The following NXPH1 variants were observed in gnomAD, a reference collection of about 807,000 sequenced individuals.
The protein encoded by NXPH1 is neurexophilin 1.
In NXPH1, 5 loss-of-function variants were observed where a neutral mutation model predicts 23.7. That is an observed-to-expected ratio of 0.21 (90% CI 0.11 to 0.44). The LOEUF (loss-of-function observed/expected upper bound fraction) is 0.44. NXPH1 is among the 20% of genes least tolerant of loss of function. The pLI is 0.99. For missense variants in NXPH1, 324 were observed against 321.6 expected, an observed-to-expected ratio of 1.01 and a Z score of -0.06; for synonymous variants, 144 against 122.2, an observed-to-expected ratio of 1.18 and a Z score of -1.18.
At chr7:8,552,075 C>T (rs1818284353) in intron 2 of NXPH1, among the ~76,000 whole-genome samples, 1 of 129,286 alleles carries the variant, frequency 7.7e-6, no homozygotes, top group East Asian at 2.3e-4. Flanking sequence ...AACAATAATT[C>T]TATTTTGGCT....
At position 8,751,225 on chromosome 7, in the gene NXPH1, T is replaced by C. The variant is rs749146883; in HGVS notation, c.272T>C (p.Leu91Pro). 6.2e-7 allele frequency: 1 copy of C among 1,613,880 alleles called. No individual in the cohort carries two copies. Among genetic ancestry groups the C allele is most frequent in the South Asian group, 1.1e-5 (1 of 91,088 alleles). The change falls in exon 3 of 3, where the codon CTG (leucine) becomes CCG (proline). Residue 91 changes from leucine (L) to proline (P), a missense_variant. Transcript: ENST00000405863. The surrounding 1 kb of genome is among the most constrained non-coding windows in gnomAD (Gnocchi z 4.5). ...TCTGAGCAAGACCTCTGGGACTGGCTGAGGAACTCCACAGACCTTCAAGAG... is the reference window on the plus strand; with the variant it reads ...TCTGAGCAAGACCTCTGGGACTGGCCGAGGAACTCCACAGACCTTCAAGAG... ...PYSEQDLWDW[L>P]RNSTDLQEPR...
intron 2 of NXPH1, among the ~76,000 whole-genome samples, chr7:8,508,904 C>T (rs62448065): frequency 0.23 from 35,091 of 151,868 alleles, 4,178 homozygotes; most frequent in East Asian, 0.31. Context: ...GGGAGGCGGG[C>T]ACATTAGAGG....
At chr7:8,557,540 A>G (rs572971740) in intron 2 of NXPH1, among the ~76,000 whole-genome samples, 1 of 151,754 alleles carries the variant, frequency 6.6e-6, no homozygotes, top group Non-Finnish European at 1.5e-5. Context: ...TGGTTTGTAG[A>G]CTAGAGCTAA....
At chr7:8,638,809 A>G (rs1468500909) in intron 2 of NXPH1, among the ~76,000 whole-genome samples, 1 of 152,108 alleles carries the variant, frequency 6.6e-6, no homozygotes, top group African/African-American at 2.4e-5. Context: ...TGGCTGCATT[A>G]TTTTTTACCC....
At chr7:8,687,668 C>T in intron 2 of NXPH1, among the ~76,000 whole-genome samples, 1 of 152,096 alleles carries the variant, frequency 6.6e-6, no homozygotes, top group South Asian at 2.1e-4. Flanking sequence ...ATAATTTTCT[C>T]ATTTGAGAAA....
chr7:8,748,499 G>A (rs552115694), intron 2 of NXPH1, among the ~76,000 whole-genome samples: 1 of 152,304 alleles, frequency 6.6e-6, no homozygotes, highest in African/African-American at 2.4e-5. Flanking sequence ...AGGACTGACT[G>A]CATACACGAG....
chr7:8,592,221 C>T lies in NXPH1; in HGVS notation c.54+156454C>T, dbSNP rs113216579. Among the ~76,000 whole-genome samples the T allele has an allele frequency of 7.0e-3, 1,069 of 152,042 alleles. 11 individuals are homozygous for T. Among genetic ancestry groups the T allele is most frequent in the African/African-American group, 0.025 (1,023 of 41,498 alleles). On this transcript the variant is annotated intron_variant, in intron 2 of 2. Coordinates refer to ENST00000405863, the MANE Select transcript of NXPH1 (RefSeq NM_152745.3). ...GGATGAGCAGAGGAAGGTGTATACTCATTATGGGACATGATGTGTGAGAGT... is the reference window on the plus strand; with the variant it reads ...GGATGAGCAGAGGAAGGTGTATACTTATTATGGGACATGATGTGTGAGAGT...
chr7:8,692,579 C>G (rs1213003589), intron 2 of NXPH1, among the ~76,000 whole-genome samples: 3 of 152,072 alleles, frequency 2.0e-5, no homozygotes, highest in Non-Finnish European at 4.4e-5. Flanking sequence ...TACTTTTTTC[C>G]TGTTTAGTTT....
chr7:8,594,180 G>A (rs1188995840), intron 2 of NXPH1, among the ~76,000 whole-genome samples: 3 of 152,026 alleles, frequency 2.0e-5, no homozygotes, highest in Non-Finnish European at 4.4e-5. Context: ...AATGGTAAAT[G>A]TTAAGAGAAT....
In NXPH1 at chr7:8,456,516, G is replaced by C. The variant is rs143783827; in HGVS notation, c.54+20749G>C. ...ATGATGAATGGAATTGCAGGTTTAA[G>C]GAAACAGAGGTCTTATTGGAATGAC... On this transcript the variant is annotated intron_variant, in intron 2 of 2. Coordinates refer to ENST00000405863, the MANE Select transcript of NXPH1 (RefSeq NM_152745.3). Among the ~76,000 whole-genome samples, 651 of 152,262 alleles carry C rather than the reference G, an allele frequency of 4.3e-3. 1 individual carries two copies. The highest frequency in any genetic ancestry group is 0.014 in the African/African-American group (589 of 41,556).
intron 2 of NXPH1, among the ~76,000 whole-genome samples, chr7:8,654,379 C>A (rs578259056): frequency 2.5e-4 from 38 of 152,278 alleles, no homozygotes; most frequent in Middle Eastern, 6.8e-3. Flanking sequence ...TGAAAATGAT[C>A]TGTTTGTAGA....
chr7:8,693,520 T>A (rs2115184928), intron 2 of NXPH1, among the ~76,000 whole-genome samples: 1 of 152,344 alleles, frequency 6.6e-6, no homozygotes, highest in Admixed American at 6.5e-5. Context: ...GGCAAAAGAC[T>A]TAATCTTTTA....
At chr7:8,609,796 G>C (rs1380236752) in intron 2 of NXPH1, among the ~76,000 whole-genome samples, 3 of 152,110 alleles carry the variant, frequency 2.0e-5, no homozygotes, top group Non-Finnish European at 4.4e-5. Flanking sequence ...TAACATAACA[G>C]AGACTGCAGT....
intron 2 of NXPH1, among the ~76,000 whole-genome samples, chr7:8,437,202 C>G (rs776750372): frequency 4.8e-4 from 73 of 152,192 alleles, no homozygotes; most frequent in African/African-American, 1.8e-3. Flanking sequence ...TGTGCCTTTA[C>G]CCGCTGGAAC....
intron 2 of NXPH1, among the ~76,000 whole-genome samples, chr7:8,662,437 C>G (rs1179588760): frequency 6.6e-6 from 1 of 151,970 alleles, no homozygotes; most frequent in Non-Finnish European, 1.5e-5. Context: ...GTTACTGGAA[C>G]TTTTTGACCA....
At chr7:8,601,082 A>G (rs1819348966) in intron 2 of NXPH1, among the ~76,000 whole-genome samples, 1 of 152,284 alleles carries the variant, frequency 6.6e-6, no homozygotes, top group Admixed American at 6.5e-5. Context: ...TTATATCAGG[A>G]ACTTGAGCAT....
intron 2 of NXPH1, among the ~76,000 whole-genome samples, chr7:8,557,277 AAAC>A (rs56699161): frequency 1.1e-4 from 16 of 151,092 alleles, no homozygotes; most frequent in African/African-American, 2.2e-4. Context: ...TTAAGTGTTA[AAAC>A]AACAACAACA....
intron 2 of NXPH1, among the ~76,000 whole-genome samples, chr7:8,649,905 C>A (rs1476806922): frequency 6.6e-6 from 1 of 152,120 alleles, no homozygotes; most frequent in African/African-American, 2.4e-5. Context: ...CTCTTCATTG[C>A]TTTCCTGTGA....
chr7:8,460,916 C>T (rs1257087963), intron 2 of NXPH1, among the ~76,000 whole-genome samples: 1 of 152,194 alleles, frequency 6.6e-6, no homozygotes, highest in Non-Finnish European at 1.5e-5. Context: ...GTGAAAGTAC[C>T]TGGCACTCAC....
Sources: gnomAD v4.1 joint callset for allele counts (sites outside exome capture counted in the v4.1 genomes callset) on GRCh38, gnomAD v4.1.1 for gene constraint, Gnocchi (gnomAD v3.1) non-coding constraint, MANE v1.5 for transcripts, NCBI Gene and HGNC (gene_info 2026-07-23, HGNC 2026-07-21) for gene names.